Variants in ELMO1 observed in about 807,000 individuals in gnomAD.
ELMO1 encodes the protein engulfment and cell motility 1.
In ELMO1, 26 loss-of-function variants were observed where a neutral mutation model predicts 98.9. The observed-to-expected ratio is 0.26, with a 90% CI of 0.19 to 0.36. The LOEUF (loss-of-function observed/expected upper bound fraction) is 0.36, where lower values mean the gene tolerates loss of function less well. Ranked by LOEUF, ELMO1 falls within the 10% of genes least tolerant of loss-of-function variation. The pLI is 1.00. For missense variants in ELMO1, 627 were observed against 935.2 expected (o/e 0.67, Z 4.30); for synonymous variants, 346 against 346.0 (o/e 1.00, Z 0.00).
At chr7:37,444,683 T>A (rs1424527633) in intron 1 of ELMO1, among the ~76,000 whole-genome samples, 2 of 152,126 alleles carry the variant, frequency 1.3e-5, no homozygotes, top group Non-Finnish European at 2.9e-5. Context: ...CGGCTAATTT[T>A]TTTTGTATTT....
chr7:36,947,431 A>C (rs188971846), intron 16 of ELMO1, among the ~76,000 whole-genome samples: 21 of 151,592 alleles, frequency 1.4e-4, no homozygotes, highest in Admixed American at 9.2e-4. Context: ...TTTCCAACTC[A>C]CTCTCCATCA....
intron 15 of ELMO1, among the ~76,000 whole-genome samples, chr7:37,058,985 C>G (rs1189681185): frequency 6.6e-6 from 1 of 152,146 alleles, no homozygotes; most frequent in Non-Finnish European, 1.5e-5. Context: ...CACAGTATCG[C>G]CACACACGAG....
chr7:37,017,242 AC>A (rs1386022898), intron 15 of ELMO1, among the ~76,000 whole-genome samples: 1 of 152,066 alleles, frequency 6.6e-6, no homozygotes, highest in African/African-American at 2.4e-5. Flanking sequence ...TGCTGAACCA[AC>A]CCTTTTTTCT....
intron 4 of ELMO1, among the ~76,000 whole-genome samples, chr7:37,287,498 T>C (rs1425481111): frequency 1.3e-5 from 2 of 152,204 alleles, no homozygotes; most frequent in African/African-American, 4.8e-5. Context: ...AGGCATAAGA[T>C]GATAAATGAT....
At chr7:36,874,020 C>G (rs1389525295) in intron 19 of ELMO1, among the ~76,000 whole-genome samples, 1 of 152,194 alleles carries the variant, frequency 6.6e-6, no homozygotes, top group African/African-American at 2.4e-5. Flanking sequence ...AGAACCTGGT[C>G]TCTGTGGCCT....
chr7:37,260,725 C>T (rs1795934876), intron 5 of ELMO1, among the ~76,000 whole-genome samples: 1 of 152,048 alleles, frequency 6.6e-6, no homozygotes, highest in Non-Finnish European at 1.5e-5. Flanking sequence ...TTAATTAAAA[C>T]CAAAAACAGA....
At chr7:37,268,553 G>A (rs1264666758) in intron 5 of ELMO1, among the ~76,000 whole-genome samples, 1 of 152,116 alleles carries the variant, frequency 6.6e-6, no homozygotes, top group Non-Finnish European at 1.5e-5. Context: ...ACCCGCCTTG[G>A]CCTCCCAAAG....
intron 14 of ELMO1, among the ~76,000 whole-genome samples, chr7:37,123,765 G>T (rs957533064): frequency 1.3e-5 from 2 of 152,122 alleles, no homozygotes; most frequent in African/African-American, 2.4e-5. Flanking sequence ...GAAAAAGAGG[G>T]AATCCTCCCT....
chr7:36,923,610 C>T (rs1246078593), intron 16 of ELMO1, among the ~76,000 whole-genome samples: 1 of 152,138 alleles, frequency 6.6e-6, no homozygotes, highest in East Asian at 1.9e-4. Context: ...TTTAAAAAAT[C>T]TTCTCAAGAA....
intron 14 of ELMO1, among the ~76,000 whole-genome samples, chr7:37,111,307 G>A (rs1315408332): frequency 6.6e-6 from 1 of 152,148 alleles, no homozygotes; most frequent in Non-Finnish European, 1.5e-5. Context: ...CCCTCATATT[G>A]CTAAGAAGAG....
chr7:37,068,149 T>C (rs532337564), intron 15 of ELMO1, among the ~76,000 whole-genome samples: 1 of 152,288 alleles, frequency 6.6e-6, no homozygotes, highest in South Asian at 2.1e-4. Flanking sequence ...AAAGTTCACA[T>C]GCCTCATCCC....
chr7:37,166,391 G>A (rs1199731526), intron 13 of ELMO1, among the ~76,000 whole-genome samples: 1 of 150,902 alleles, frequency 6.6e-6, no homozygotes, highest in Admixed American at 6.6e-5. Context: ...TTTTGAATGT[G>A]TTTGCTCTTG....
At chr7:37,132,990 T>TG (rs1491243400) in intron 14 of ELMO1, 140 bp downstream of exon 14, 1 of 75,234 alleles carries the variant, frequency 1.3e-5, no homozygotes, top group East Asian at 3.1e-4. Context: ...TTAATTCTGA[T>TG]TTTTTTTTTT....
chr7:37,064,150 G>T (rs571449596), intron 15 of ELMO1, among the ~76,000 whole-genome samples: 1 of 152,016 alleles, frequency 6.6e-6, no homozygotes, highest in Non-Finnish European at 1.5e-5. Context: ...CCATCACCTG[G>T]GCCCTTGACA....
In ELMO1 at chr7:36,887,748, C is replaced by G. The variant is rs190946986; in HGVS notation, c.1602-76G>C. 9 of 1,306,912 alleles carry G rather than the reference C, an allele frequency of 6.9e-6. No homozygotes were observed. The South Asian group carries it at 7.3e-5, about 11-fold the overall frequency. The allele number at this position is 1,306,912 out of a possible 1,614,324, so 81.0% of individuals were successfully genotyped here. A position where few individuals can be genotyped will look rare whatever the true frequency, so the allele number is the denominator to read the frequency against. On this transcript the variant is annotated intron_variant, in intron 17 of 21. Coordinates refer to ENST00000310758, the MANE Select transcript of ELMO1 (RefSeq NM_014800.11). ...TGGCTTGGTGGGCATCATGGGCATA[C>G]GGGCAGGGGAGAACAAGTGCATCTT... is the stretch of plus-strand genomic sequence containing the variant.
At chr7:37,066,906 A>G (rs781290887) in intron 15 of ELMO1, among the ~76,000 whole-genome samples, 1 of 152,214 alleles carries the variant, frequency 6.6e-6, no homozygotes, top group Non-Finnish European at 1.5e-5. Flanking sequence ...TGATACTTGG[A>G]AATCCACTTG....
Position 37,342,488 on chromosome 7 carries a change from A to C in ELMO1, c.78+125T>G. 1 of 963,296 alleles carries C rather than the reference A, an allele frequency of 1.0e-6. No individual in the cohort carries two copies. Among genetic ancestry groups the C allele is most frequent in the Non-Finnish European group, 1.7e-6 (1 of 599,872 alleles). 59.7% of individuals were successfully genotyped at this position (963,296 alleles called of 1,614,324 possible). On this transcript the variant is annotated intron_variant, in intron 2 of 21. Transcript: ENST00000310758. This position sits in a 1 kb window ranked among gnomAD's most constrained non-coding sequence, Gnocchi z 4.3. ...AGAAATCAAGCACATTGCAACTATT[A>C]TTGCACAGATTTTTCAACACAGCTA...
intron 1 of ELMO1, chr7:37,375,426 G>A: frequency 3.2e-6 from 2 of 619,276 alleles, no homozygotes; most frequent in Non-Finnish European, 5.8e-6. Context: ...CCTTGTTTAT[G>A]CCCAGGAATA....
In ELMO1 at chr7:37,158,294, G is replaced by A. The variant is rs542180598; in HGVS notation, c.1087-25060C>T. Among the ~76,000 whole-genome samples the A allele has an allele frequency of 9.2e-5, 14 of 152,150 alleles. No individual in the cohort carries two copies. The South Asian group carries it at 1.0e-3, about 11-fold the overall frequency. Reference sequence around the variant, plus strand: ...ACCAAAAGCAATGGCAACAAAAGCCGAAATAGACAAATGGGATCTAATTAA... The same window carrying A: ...ACCAAAAGCAATGGCAACAAAAGCCAAAATAGACAAATGGGATCTAATTAA... On this transcript the variant is annotated intron_variant, in intron 13 of 21. Transcript: ENST00000310758.
Sources: gnomAD v4.1 joint callset for allele counts (sites outside exome capture counted in the v4.1 genomes callset) on GRCh38, gnomAD v4.1.1 for gene constraint, Gnocchi (gnomAD v3.1) non-coding constraint, MANE v1.5 for transcripts, NCBI Gene and HGNC (gene_info 2026-07-23, HGNC 2026-07-21) for gene names.